Variants in SGCD observed in about 807,000 individuals in gnomAD.
SGCD encodes the protein sarcoglycan delta, also known as delta-sarcoglycan.
In SGCD, 18 loss-of-function variants were observed where a neutral mutation model predicts 36.6. The ratio of observed to expected loss-of-function variants is 0.49; its 90% CI spans 0.34 to 0.73. The LOEUF is 0.73. Ranked by LOEUF, SGCD falls within the 30% of genes least tolerant of loss-of-function variation. SGCD has a pLI of 0.01. For missense variants in SGCD, 387 were observed against 346.7 expected (o/e 1.12, Z -0.92); for synonymous variants, 133 against 130.6 (o/e 1.02, Z -0.12).
In SGCD at chr5:156,068,202, A is replaced by T. The variant is rs1186197325; in HGVS notation, c.-281-49676A>T. Among the ~76,000 whole-genome samples, 3 of 151,764 alleles carry T rather than the reference A, an allele frequency of 2.0e-5. No individual in the cohort carries two copies. In the South Asian group the frequency reaches 6.2e-4, roughly 32 times the overall value. Reference sequence around the variant, plus strand: ...TTAGTTACATATGTATACATGTGCCATGCTGGTGTGCTGCACCCATTAACT... The same window carrying T: ...TTAGTTACATATGTATACATGTGCCTTGCTGGTGTGCTGCACCCATTAACT... On this transcript the variant is annotated intron_variant, in intron 1 of 9. Coordinates refer to the SGCD transcript ENST00000517913.
chr5:156,753,266 C>T (rs1757216530), intron 7 of SGCD, among the ~76,000 whole-genome samples: 1 of 152,226 alleles, frequency 6.6e-6, no homozygotes, highest in African/African-American at 2.4e-5. Context: ...CCTGGCCACT[C>T]CTCCTTTCTG....
At chr5:156,512,470 A>G (rs765994487) in intron 4 of SGCD, among the ~76,000 whole-genome samples, 1 of 152,168 alleles carries the variant, frequency 6.6e-6, no homozygotes, top group African/African-American at 2.4e-5. Flanking sequence ...CTGGGTGTGT[A>G]GTAGAGTACA....
At chr5:156,069,970 A>G (rs1450963171) in intron 1 of SGCD, among the ~76,000 whole-genome samples, 2 of 151,978 alleles carry the variant, frequency 1.3e-5, no homozygotes, top group East Asian at 1.9e-4. Context: ...TGATTTTTGT[A>G]CATTGATTTT....
At chr5:155,808,993 A>G in the SGCD span, among the ~76,000 whole-genome samples, 2,645 of 152,124 alleles carry the variant, frequency 0.017, 85 homozygotes, top group African/African-American at 0.059. Flanking sequence ...AGCTACTGCC[A>G]GTCAACGTCT....
intron 7 of SGCD, among the ~76,000 whole-genome samples, chr5:156,702,314 C>A (rs113603386): frequency 1.3e-5 from 2 of 152,104 alleles, no homozygotes; most frequent in Non-Finnish European, 2.9e-5. Context: ...TGGAGGCCTA[C>A]ATTTCTAGTC....
At chr5:155,880,188 G>C (rs904929350) in intron 1 of SGCD, among the ~76,000 whole-genome samples, 11 of 152,090 alleles carry the variant, frequency 7.2e-5, no homozygotes, top group African/African-American at 2.7e-4. Flanking sequence ...TACCTTTAAA[G>C]TGAGAATAAG....
intron 4 of SGCD, among the ~76,000 whole-genome samples, chr5:156,515,588 A>C (rs1757123329): frequency 1.3e-5 from 2 of 152,182 alleles, no homozygotes; most frequent in South Asian, 2.1e-4. Context: ...AGGAGCAGAG[A>C]GCGATTGTGC....
chr5:156,415,051 C>T (rs1424011161), intron 3 of SGCD, among the ~76,000 whole-genome samples: 1 of 152,028 alleles, frequency 6.6e-6, no homozygotes. Context: ...TAAATTTACA[C>T]AAGAACAGAG....
At chr5:156,596,940 TC>T (rs1561803733) in intron 6 of SGCD, among the ~76,000 whole-genome samples, 7 of 152,186 alleles carry the variant, frequency 4.6e-5, no homozygotes, top group Non-Finnish European at 8.8e-5. Context: ...TACTGTCCTG[TC>T]CCAGTCTCAT....
chr5:156,393,272 T>C (rs1331934142), intron 3 of SGCD, among the ~76,000 whole-genome samples: 4 of 152,216 alleles, frequency 2.6e-5, no homozygotes, highest in Non-Finnish European at 5.9e-5. Context: ...GTATTTATTT[T>C]CACAAGAATC....
chr5:156,286,823 TA>T (rs796869004), intron 3 of SGCD, among the ~76,000 whole-genome samples: 2,188 of 142,652 alleles, frequency 0.015, 33 homozygotes, highest in African/African-American at 0.035. Flanking sequence ...TAAAGTATAA[TA>T]AAAAAAAAAA....
chr5:155,769,700 C>A, the SGCD span, among the ~76,000 whole-genome samples: 1 of 152,202 alleles, frequency 6.6e-6, no homozygotes, highest in African/African-American at 2.4e-5. Context: ...AAGTATCTTT[C>A]ATGCATTGTC....
intron 3 of SGCD, among the ~76,000 whole-genome samples, chr5:156,358,693 G>A (rs1288147902): frequency 2.6e-5 from 4 of 152,216 alleles, no homozygotes; most frequent in African/African-American, 9.7e-5. Flanking sequence ...TAAGTGGATG[G>A]TGTAAAGAAG....
chr5:156,186,683 G>T (rs945099992), intron 3 of SGCD, among the ~76,000 whole-genome samples: 13 of 152,146 alleles, frequency 8.5e-5, no homozygotes, highest in African/African-American at 3.1e-4. Flanking sequence ...GCCTGGAATT[G>T]ATATTCTCTG....
chr5:155,960,087 A>G (rs973340507), intron 1 of SGCD, among the ~76,000 whole-genome samples: 7 of 152,142 alleles, frequency 4.6e-5, no homozygotes, highest in Admixed American at 1.3e-4. Context: ...TTGCCAGGGC[A>G]TGATACAAAA....
intron 3 of SGCD, among the ~76,000 whole-genome samples, chr5:156,187,686 C>G (rs1274112182): frequency 1.3e-5 from 2 of 151,976 alleles, no homozygotes; most frequent in Non-Finnish European, 2.9e-5. Flanking sequence ...CTGTTAGCTG[C>G]TGTTATAACT....
intron 1 of SGCD, among the ~76,000 whole-genome samples, chr5:155,952,021 A>C (rs538681552): frequency 2.0e-5 from 3 of 152,298 alleles, no homozygotes; most frequent in Non-Finnish European, 4.4e-5. Flanking sequence ...ACAGGATGAA[A>C]GGGCTTATCT....
intron 6 of SGCD, among the ~76,000 whole-genome samples, chr5:156,636,060 G>T (rs1308813400): frequency 6.6e-6 from 1 of 152,008 alleles, no homozygotes; most frequent in East Asian, 1.9e-4. Flanking sequence ...GCTTTCTGTT[G>T]CAGGACACAG....
intron 3 of SGCD, among the ~76,000 whole-genome samples, chr5:156,283,451 A>G (rs1222644231): frequency 6.6e-6 from 1 of 152,076 alleles, no homozygotes; most frequent in South Asian, 2.1e-4. Context: ...TCCATTCTTT[A>G]TAGTATTTTT....
Sources: allele counts gnomAD v4.1 joint callset (sites outside exome capture counted in the v4.1 genomes callset), GRCh38; gene constraint gnomAD v4.1.1; transcripts MANE v1.5; gene names NCBI Gene and HGNC (gene_info 2026-07-23, HGNC 2026-07-21).